Variants in FAM13A observed in about 807,000 individuals in gnomAD.
FAM13A encodes family with sequence similarity 13 member A.
Under a neutral mutation model 129.6 loss-of-function variants are expected in FAM13A, and 76 were observed. The ratio of observed to expected loss-of-function variants is 0.59; its 90% CI spans 0.49 to 0.71. The LOEUF (loss-of-function observed/expected upper bound fraction) is 0.71. FAM13A is among the 30% of genes least tolerant of loss of function. The pLI is 0.00. For synonymous variants in FAM13A, 443 were observed against 449.9 expected (o/e 0.98, Z 0.20); for missense variants, 1,108 against 1,249.3 (o/e 0.89, Z 1.70).
intron 21 of FAM13A, among the ~76,000 whole-genome samples, chr4:88,733,503 C>T (rs1313317345): frequency 2.0e-5 from 3 of 152,146 alleles, no homozygotes; most frequent in Admixed American, 6.5e-5. Flanking sequence ...CAATTCCCAT[C>T]GACGTAGTTT....
chr4:88,997,051 T>C (rs190324146), intron 3 of FAM13A, among the ~76,000 whole-genome samples: 1 of 152,264 alleles, frequency 6.6e-6, no homozygotes, highest in African/African-American at 2.4e-5. Flanking sequence ...AGTATCTAAA[T>C]AGAAGAAAAA....
intron 7 of FAM13A, among the ~76,000 whole-genome samples, chr4:88,847,885 G>GGAGATTGCAGTGAGCA (rs1283907425): frequency 6.6e-6 from 1 of 151,748 alleles, no homozygotes; most frequent in Admixed American, 6.6e-5. Context: ...TGCAGTGAGC[G>GGAGATTGCAGTGAGCA]GAGATTGCAG....
chr4:89,052,719 C>T (rs539286502), intron 1 of FAM13A, among the ~76,000 whole-genome samples: 19 of 151,990 alleles, frequency 1.3e-4, no homozygotes, highest in Non-Finnish European at 2.6e-4. Flanking sequence ...TGTTCCCCAC[C>T]TAGAACTCTC....
chr4:88,982,334 C>T (rs74958792), intron 4 of FAM13A, among the ~76,000 whole-genome samples: 3,802 of 152,316 alleles, frequency 0.025, 62 homozygotes, highest in Non-Finnish European at 0.034. Flanking sequence ...TTAACTAGTA[C>T]GATGGGCAGA....
chr4:89,022,343 T>G (rs1032024392), intron 2 of FAM13A, among the ~76,000 whole-genome samples: 1 of 152,206 alleles, frequency 6.6e-6, no homozygotes, highest in Non-Finnish European at 1.5e-5. Context: ...AATTCAACAC[T>G]ATCATTACCC....
intron 5 of FAM13A, among the ~76,000 whole-genome samples, chr4:88,911,948 C>T (rs114392243): frequency 1.6e-3 from 243 of 152,312 alleles, no homozygotes; most frequent in African/African-American, 5.5e-3. Flanking sequence ...AAGATGTGGT[C>T]TTTGTCTCAC....
chr4:88,742,451 C>T (rs1740457248), intron 19 of FAM13A, among the ~76,000 whole-genome samples: 1 of 152,074 alleles, frequency 6.6e-6, no homozygotes, highest in Non-Finnish European at 1.5e-5. Flanking sequence ...CTCATGATTC[C>T]ACAAAACCAT....
At chr4:88,747,465 C>T (rs768370078) in intron 18 of FAM13A, among the ~76,000 whole-genome samples, 166 bp downstream of exon 18, 1 of 152,222 alleles carries the variant, frequency 6.6e-6, no homozygotes, top group Non-Finnish European at 1.5e-5. Flanking sequence ...AAAGCACCCA[C>T]AGTTAACGCA....
At chr4:89,010,358 T>C (rs1339802875) in intron 3 of FAM13A, among the ~76,000 whole-genome samples, 2 of 152,196 alleles carry the variant, frequency 1.3e-5, no homozygotes, top group African/African-American at 4.8e-5. Flanking sequence ...TCATTTAAGG[T>C]TGACACTACC....
At chr4:88,833,756 G>A (rs1439561382) in intron 7 of FAM13A, among the ~76,000 whole-genome samples, 1 of 151,862 alleles carries the variant, frequency 6.6e-6, no homozygotes, top group African/African-American at 2.4e-5. Flanking sequence ...TGTGGTGGTG[G>A]GTGCCTGTAA....
intron 6 of FAM13A, among the ~76,000 whole-genome samples, chr4:88,861,399 A>C (rs903899431): frequency 5.5e-5 from 8 of 146,314 alleles, no homozygotes; most frequent in African/African-American, 2.0e-4. Flanking sequence ...AAAAAAAAAA[A>C]CTAAACTAAA....
At chr4:88,775,491 G>T (rs1044256159) in intron 11 of FAM13A, among the ~76,000 whole-genome samples, 4 of 152,052 alleles carry the variant, frequency 2.6e-5, no homozygotes, top group Non-Finnish European at 5.9e-5. Context: ...ATCATTTGAG[G>T]CCAGAAGTGT....
chr4:88,745,728 A>G (rs991495130), intron 19 of FAM13A, among the ~76,000 whole-genome samples: 1 of 152,156 alleles, frequency 6.6e-6, no homozygotes, highest in East Asian at 1.9e-4. Context: ...AGCATTTACT[A>G]TTTGGTTCAA....
At chr4:88,838,193 C>T (rs1207739734) in intron 7 of FAM13A, among the ~76,000 whole-genome samples, 2 of 152,136 alleles carry the variant, frequency 1.3e-5, no homozygotes, top group Non-Finnish European at 2.9e-5. Flanking sequence ...GAAACCTACC[C>T]CCAGGGATAT....
intron 4 of FAM13A, among the ~76,000 whole-genome samples, chr4:88,983,236 G>C (rs559634435): frequency 1.3e-5 from 2 of 151,884 alleles, no homozygotes; most frequent in East Asian, 3.9e-4. Flanking sequence ...TATATCAAGT[G>C]GTAAAATAAT....
intron 3 of FAM13A, among the ~76,000 whole-genome samples, chr4:89,001,357 C>G (rs1306873990): frequency 6.6e-6 from 1 of 152,108 alleles, no homozygotes; most frequent in Non-Finnish European, 1.5e-5. Context: ...ACGTAGACAT[C>G]AAACCTTTAA....
rs182267342 is a variant in FAM13A at position 88,944,789 on chromosome 4, G to A, written c.606-6548C>T. 1.9e-3 allele frequency among the ~76,000 whole-genome samples: 286 copies of A among 152,130 alleles called. 1 individual carries two copies. Among genetic ancestry groups the A allele is most frequent in the African/African-American group, 6.7e-3 (279 of 41,508 alleles). Reference sequence around the variant, plus strand: ...ATGGTGGTGGGTGCCTATAGTCCCAGCTACTCGAGAGGCTGAGGCAGAACA... The same window carrying A: ...ATGGTGGTGGGTGCCTATAGTCCCAACTACTCGAGAGGCTGAGGCAGAACA... On this transcript the variant is annotated intron_variant, in intron 4 of 23. Coordinates refer to ENST00000264344, the MANE Select transcript of FAM13A (RefSeq NM_014883.4).
Position 88,754,363 on chromosome 4 carries a change from A to C in FAM13A, c.1727-3726T>G, listed in dbSNP as rs186603945. On this transcript the variant is annotated intron_variant, in intron 14 of 23. Transcript: ENST00000264344. ...AATTTTCTGTAGAAAGAGGGAACAT[A>C]TCTCTGAGTAACGCTAACATGGTCA... 6.0e-4 allele frequency among the ~76,000 whole-genome samples: 91 copies of C among 152,340 alleles called. No homozygotes were observed. The South Asian group carries it at 0.014, about 23-fold the overall frequency.
chr4:88,766,979 G>A (rs772280336), intron 13 of FAM13A, among the ~76,000 whole-genome samples: 2 of 152,194 alleles, frequency 1.3e-5, no homozygotes, highest in Non-Finnish European at 2.9e-5. Flanking sequence ...GGGAGCAAGG[G>A]AAACCAAATA....
Sources: gnomAD v4.1 joint callset for allele counts (sites outside exome capture counted in the v4.1 genomes callset) on GRCh38, gnomAD v4.1.1 for gene constraint, MANE v1.5 for transcripts, NCBI Gene and HGNC (gene_info 2026-07-23, HGNC 2026-07-21) for gene names.